ENAH: variants seen among roughly 807,000 people sequenced by gnomAD.
ENAH encodes protein enabled homolog.
A neutral mutation model predicts 78.7 loss-of-function variants in ENAH; 23 were observed. That is an observed-to-expected ratio of 0.29 (90% CI 0.21 to 0.41). ENAH has a LOEUF of 0.41. Ranked by LOEUF, ENAH falls within the 10% of genes least tolerant of loss-of-function variation. The pLI, the probability that ENAH is intolerant of heterozygous loss-of-function variation, is 1.00. For synonymous variants in ENAH, 226 were observed against 241.0 expected, an observed-to-expected ratio of 0.94 and a Z score of 0.58; for missense variants, 544 against 691.0, an observed-to-expected ratio of 0.79 and a Z score of 2.39.
chr1:225,516,382 C>CT lies in ENAH; in HGVS notation c.913+813dup, dbSNP rs368722530. Among the ~76,000 whole-genome samples the CT allele has an allele frequency of 2.6e-4, 40 of 152,074 alleles. 1 individual carries two copies. Among genetic ancestry groups the CT allele is most frequent in the African/African-American group, 9.2e-4 (38 of 41,380 alleles). On this transcript the variant is annotated intron_variant, in intron 6 of 13. Coordinates refer to ENST00000366843, the MANE Select transcript of ENAH (RefSeq NM_018212.6). ...ATCCTGGAAGTCCAACATGGGGCAT[C>CT]TAATATAGGAAAGGCAAGAAGGAAA...
intron 4 of ENAH, among the ~76,000 whole-genome samples, chr1:225,526,165 TCTC>T (rs1428983148): frequency 6.6e-6 from 1 of 152,104 alleles, no homozygotes; most frequent in Non-Finnish European, 1.5e-5. Context: ...ACGTTTTTGT[TCTC>T]CTTCCCACTC....
At chr1:225,640,558 G>A (rs964105160) in intron 1 of ENAH, among the ~76,000 whole-genome samples, 4 of 152,190 alleles carry the variant, frequency 2.6e-5, no homozygotes, top group Non-Finnish European at 5.9e-5. Flanking sequence ...AAACAGTTAT[G>A]TATGAGAGCT....
rs2096212937 is a variant in ENAH, at chr1:225,489,540, CTT to C, written c.*8233_*8234del. On this transcript the variant is annotated 3_prime_UTR_variant, in exon 14 of 14. Transcript: ENST00000366843. The stretch of plus-strand genomic sequence containing the variant: ...TAAGATGGGAGAGCCAAACTCAGAT[CTT>C]TTTTCTCCTTCTCTTCAAAGATCAA... 1 of 152,094 alleles carries C rather than the reference CTT, an allele frequency of 6.6e-6. No individual in the cohort carries two copies. The highest frequency in any genetic ancestry group is 2.4e-5 in the African/African-American group (1 of 41,402). The allele number at this position is 152,094 out of a possible 1,614,324, so 9.4% of individuals were successfully genotyped here.
At position 225,486,845 on chromosome 1, in the gene ENAH, CAT is replaced by C. The variant is rs2096203268; in HGVS notation, c.*10928_*10929del. 1 of 152,630 alleles carries C rather than the reference CAT, an allele frequency of 6.6e-6. No homozygotes were observed. Among genetic ancestry groups the C allele is most frequent in the Non-Finnish European group, 1.5e-5 (1 of 68,040 alleles). 9.5% of individuals were successfully genotyped at this position (152,630 alleles called of 1,614,324 possible). On this transcript the variant is annotated 3_prime_UTR_variant, in exon 14 of 14. Coordinates refer to ENST00000366843, the MANE Select transcript of ENAH (RefSeq NM_018212.6). ...CAAATCTCATTTGAATTAAGTATTT[CAT>C]GTTTTTATTTCAAAAGAAAAAAGGA...
chr1:225,507,532 G>A (rs1462401551), intron 11 of ENAH, among the ~76,000 whole-genome samples: 1 of 152,044 alleles, frequency 6.6e-6, no homozygotes, highest in Non-Finnish European at 1.5e-5. Flanking sequence ...TCTTATTTGT[G>A]AATTGCTTTC....
At chr1:225,637,348 T>C (rs996794871) in intron 1 of ENAH, among the ~76,000 whole-genome samples, 7 of 152,220 alleles carry the variant, frequency 4.6e-5, no homozygotes, top group Middle Eastern at 3.4e-3. Flanking sequence ...GCTGGGATTA[T>C]AGGCATGCGC....
chr1:225,609,293 A>G (rs922301577), intron 1 of ENAH, among the ~76,000 whole-genome samples: 1 of 152,324 alleles, frequency 6.6e-6, no homozygotes, highest in Admixed American at 6.5e-5. Flanking sequence ...ATGGAAAACA[A>G]ATAAACACAA....
chr1:225,645,758 C>T (rs140869160), intron 1 of ENAH, among the ~76,000 whole-genome samples: 7 of 152,234 alleles, frequency 4.6e-5, no homozygotes, highest in African/African-American at 1.7e-4. Context: ...TTCTCAACAG[C>T]TCTATAATTC....
chr1:225,631,478 G>A (rs1181930771), intron 1 of ENAH, among the ~76,000 whole-genome samples: 1 of 151,248 alleles, frequency 6.6e-6, no homozygotes, highest in Non-Finnish European at 1.5e-5. Context: ...GGAAGCTGAG[G>A]CAAGAGAATC....
intron 1 of ENAH, among the ~76,000 whole-genome samples, chr1:225,570,303 GA>G (rs1483490945): frequency 6.6e-6 from 1 of 152,044 alleles, no homozygotes; most frequent in Non-Finnish European, 1.5e-5. Flanking sequence ...CACAGCATCT[GA>G]GGACCTCTTC....
chr1:225,549,051 T>C (rs1167642553), intron 3 of ENAH, among the ~76,000 whole-genome samples: 2 of 151,964 alleles, frequency 1.3e-5, no homozygotes, highest in East Asian at 1.9e-4. Flanking sequence ...GGTTTCACCA[T>C]ATCAGCCAGG....
chr1:225,593,400 T>TGTGTGTGTGG (rs1558873889), intron 1 of ENAH, among the ~76,000 whole-genome samples: 1 of 20,442 alleles, frequency 4.9e-5, no homozygotes, highest in African/African-American at 2.2e-4. Flanking sequence ...TGTGTGTGTG[T>TGTGTGTGTGG]GGGGGGGGGG....
intron 1 of ENAH, among the ~76,000 whole-genome samples, chr1:225,595,787 G>A (rs894124351): frequency 3.9e-5 from 6 of 152,066 alleles, no homozygotes; most frequent in Admixed American, 1.3e-4. Flanking sequence ...GAATATGACT[G>A]AAAAAGAATA....
chr1:225,582,525 A>C (rs1355300534), intron 1 of ENAH, among the ~76,000 whole-genome samples: 1 of 152,222 alleles, frequency 6.6e-6, no homozygotes. Context: ...AGAAACCCCC[A>C]CAGACTTTCT....
At chr1:225,514,941 G>T (rs2096406281) in intron 6 of ENAH, 41 bp from the exon 7 acceptor site, 1 of 1,500,606 alleles carries the variant, frequency 6.7e-7, no homozygotes, top group South Asian at 1.2e-5. Context: ...CAACAATAGA[G>T]CTGAGTGATA....
intron 1 of ENAH, among the ~76,000 whole-genome samples, chr1:225,648,132 A>C (rs142448644): frequency 6.8e-4 from 104 of 152,292 alleles, no homozygotes; most frequent in African/African-American, 2.4e-3. Flanking sequence ...CATCCACTGA[A>C]GTACAGCCTC....
At chr1:225,533,663 G>T (rs563515616) in intron 3 of ENAH, among the ~76,000 whole-genome samples, 1 of 152,102 alleles carries the variant, frequency 6.6e-6, no homozygotes, top group Non-Finnish European at 1.5e-5. Context: ...GTTACTGTTT[G>T]TAACAGAGAA....
At chr1:225,519,790 G>A (rs1246609856) in intron 4 of ENAH, among the ~76,000 whole-genome samples, 1 of 152,082 alleles carries the variant, frequency 6.6e-6, no homozygotes, top group African/African-American at 2.4e-5. Flanking sequence ...TCAGCACATT[G>A]CACTAACATT....
intron 7 of ENAH, 143 bp from the exon 8 acceptor site, chr1:225,513,159 G>A (rs1223355074): frequency 8.7e-6 from 6 of 686,980 alleles, no homozygotes; most frequent in Non-Finnish European, 1.4e-5. Context: ...AGAACCAATA[G>A]ATTCTTAGCA....
Sources: gnomAD v4.1 joint callset for allele counts (sites outside exome capture counted in the v4.1 genomes callset) on GRCh38, gnomAD v4.1.1 for gene constraint, MANE v1.5 for transcripts, NCBI Gene and HGNC (gene_info 2026-07-23, HGNC 2026-07-21) for gene names.